FRAS1: variants seen among roughly 807,000 people sequenced by gnomAD.
The protein encoded by FRAS1 is Fraser extracellular matrix complex subunit 1.
Under a neutral mutation model 435.2 loss-of-function variants are expected in FRAS1, and 290 were observed. The ratio of observed to expected loss-of-function variants is 0.67; its 90% CI spans 0.61 to 0.73. FRAS1 has a LOEUF of 0.73. Among genes scored for constraint, FRAS1 ranks in the 30% least tolerant of loss-of-function variants. FRAS1 has a pLI of 0.00. For synonymous variants in FRAS1, 1,800 were observed against 1,851.0 expected (o/e 0.97, Z 0.71); for missense variants, 4,860 against 5,001.5 (o/e 0.97, Z 0.85).
At chr4:78,395,990 T>G (rs913538803) in intron 29 of FRAS1, among the ~76,000 whole-genome samples, 2 of 152,130 alleles carry the variant, frequency 1.3e-5, no homozygotes, top group Non-Finnish European at 2.9e-5. Context: ...GGTATGTTTT[T>G]ATTTATTTCT....
chr4:78,343,340 A>G (rs1730472369), intron 20 of FRAS1, among the ~76,000 whole-genome samples: 1 of 152,176 alleles, frequency 6.6e-6, no homozygotes, highest in African/African-American at 2.4e-5. Context: ...TTATACTTTG[A>G]ACAATTGGTT....
chr4:78,121,986 T>C (rs906832129), intron 2 of FRAS1, among the ~76,000 whole-genome samples: 2 of 152,230 alleles, frequency 1.3e-5, no homozygotes, highest in African/African-American at 2.4e-5. Context: ...GCAACTTTTT[T>C]TTGTATTATA....
chr4:78,132,161 C>G (rs1343824032), intron 2 of FRAS1, among the ~76,000 whole-genome samples: 1 of 152,124 alleles, frequency 6.6e-6, no homozygotes, highest in Non-Finnish European at 1.5e-5. Context: ...TGCCAGGAAC[C>G]TGGTTCTTGT....
chr4:78,525,255 A>G (rs1477658392), intron 69 of FRAS1, among the ~76,000 whole-genome samples: 1 of 152,238 alleles, frequency 6.6e-6, no homozygotes, highest in Non-Finnish European at 1.5e-5. Flanking sequence ...GAATATTTCT[A>G]TTAATGAAGG....
chr4:78,328,813 C>A (rs559735972), intron 18 of FRAS1, among the ~76,000 whole-genome samples: 1 of 152,162 alleles, frequency 6.6e-6, no homozygotes, highest in Non-Finnish European at 1.5e-5. Context: ...AATTGCTCCT[C>A]TGGCTGAAGG....
chr4:78,262,823 A>G (rs1726174568), intron 6 of FRAS1, among the ~76,000 whole-genome samples: 1 of 152,194 alleles, frequency 6.6e-6, no homozygotes, highest in Non-Finnish European at 1.5e-5. Context: ...TACTGAGGGC[A>G]CCATATTAGA....
At chr4:78,098,769 A>C (rs1376670767) in intron 2 of FRAS1, among the ~76,000 whole-genome samples, 1 of 152,262 alleles carries the variant, frequency 6.6e-6, no homozygotes, top group Non-Finnish European at 1.5e-5. Context: ...GTGTGTTCTC[A>C]GAGCCCAGAA....
At chr4:78,203,142 G>T (rs894549300) in intron 2 of FRAS1, among the ~76,000 whole-genome samples, 2 of 152,146 alleles carry the variant, frequency 1.3e-5, no homozygotes, top group African/African-American at 2.4e-5. Context: ...AGACTGGTTC[G>T]ATTTGTTTAA....
intron 9 of FRAS1, among the ~76,000 whole-genome samples, chr4:78,277,838 G>C (rs1382400715): frequency 6.6e-6 from 1 of 151,496 alleles, no homozygotes; most frequent in Non-Finnish European, 1.5e-5. Flanking sequence ...TTTTGAGACG[G>C]AGTCTCACTG....
In FRAS1 at chr4:78,477,827, G is replaced by A. The variant is rs1318590333; in HGVS notation, c.7864G>A (p.Glu2622Lys). Residue 2622 changes from glutamate to lysine, a missense_variant, in exon 55 of 74, where the codon GAG becomes AAG. Transcript: ENST00000512123. The part of the protein sequence containing the change: ...VEYAGQVQFD[E>K]REDTKSCTIV... Reference sequence around the variant, plus strand: ...TCCTTTGTGACAGGTCCAGTTTGATGAGCGAGAGGACACCAAGTCCTGCAC... The same window carrying A: ...TCCTTTGTGACAGGTCCAGTTTGATAAGCGAGAGGACACCAAGTCCTGCAC... 1.9e-6 allele frequency: 3 copies of A among 1,612,412 alleles called. No homozygotes were observed. The highest frequency in any genetic ancestry group is 2.2e-5 in the East Asian group (1 of 44,814).
intron 2 of FRAS1, among the ~76,000 whole-genome samples, chr4:78,175,109 G>A (rs1351184687): frequency 1.3e-5 from 2 of 152,116 alleles, no homozygotes; most frequent in African/African-American, 2.4e-5. Context: ...GCTCTCCACC[G>A]GCCCCATCCG....
intron 2 of FRAS1, among the ~76,000 whole-genome samples, chr4:78,092,527 G>C (rs530031426): frequency 2.6e-5 from 4 of 152,268 alleles, no homozygotes; most frequent in African/African-American, 9.6e-5. Flanking sequence ...CACTATCACA[G>C]ACGCGAACAG....
chr4:78,253,113 C>A (rs925014806), intron 5 of FRAS1, among the ~76,000 whole-genome samples: 1 of 152,148 alleles, frequency 6.6e-6, no homozygotes, highest in Non-Finnish European at 1.5e-5. Flanking sequence ...TAGACCTCCC[C>A]CCAGGAATGC....
At chr4:78,479,345 G>A in intron 55 of FRAS1, 29 bp from the exon 56 acceptor site, 1 of 1,417,982 alleles carries the variant, frequency 7.1e-7, no homozygotes, top group Non-Finnish European at 9.4e-7. Context: ...TCATTCAAAT[G>A]CTTTGGTTTT....
intron 20 of FRAS1, 78 bp downstream of exon 20, chr4:78,337,895 C>G: frequency 2.1e-6 from 3 of 1,440,038 alleles, no homozygotes; most frequent in Non-Finnish European, 2.9e-6. Context: ...TAAGGGGGCT[C>G]TTTGTCCTCA....
chr4:78,526,638 A>C lies in FRAS1; in HGVS notation c.10906A>C (p.Thr3636Pro), dbSNP rs1399050730. ...CCCAGGAGAGAAGCCTTTGGCCTGC[A>C]CTGCACATGCCCCAGAAAGGTAGGA... ...VDPGEKPLACTAHAPERFLIP... is the reference protein window; with the variant it reads ...VDPGEKPLACPAHAPERFLIP... Residue 3636 changes from threonine to proline, a missense_variant, in exon 70 of 74, where the codon ACT becomes CCT. Transcript: ENST00000512123. The C allele has an allele frequency of 1.2e-5, 19 of 1,581,676 alleles. No individual in the cohort carries two copies. Among genetic ancestry groups the C allele is most frequent in the Non-Finnish European group, 1.6e-5 (19 of 1,165,540 alleles).
chr4:78,461,994 A>G (rs559393427), intron 47 of FRAS1, among the ~76,000 whole-genome samples: 4 of 152,222 alleles, frequency 2.6e-5, no homozygotes, highest in Non-Finnish European at 5.9e-5. Context: ...TATGAAGCGT[A>G]AGTTGGAAAC....
At chr4:78,176,168 A>G (rs1322623349) in intron 2 of FRAS1, among the ~76,000 whole-genome samples, 1 of 152,196 alleles carries the variant, frequency 6.6e-6, no homozygotes, top group Non-Finnish European at 1.5e-5. Flanking sequence ...GCTTCCTATT[A>G]TATGTGAGAT....
Position 78,479,778 on chromosome 4 carries a change from T to G in FRAS1, c.8443+60T>G, listed in dbSNP as rs980506230. On this transcript the variant is annotated intron_variant, in intron 56 of 73. Transcript: ENST00000512123. ...TCTCCTGATTCCTTTCTTGAGCAGT[T>G]TTCTCCTTAGGTTTCAGAATATCCG... The G allele has an allele frequency of 2.9e-5, 38 of 1,321,026 alleles. 1 individual carries two copies. Among genetic ancestry groups the G allele is most frequent in the East Asian group, 1.5e-4 (6 of 40,512 alleles). 81.8% of individuals were successfully genotyped at this position (1,321,026 alleles called of 1,614,324 possible).
Sources: allele counts gnomAD v4.1 joint callset (sites outside exome capture counted in the v4.1 genomes callset), GRCh38; gene constraint gnomAD v4.1.1; transcripts MANE v1.5; gene names NCBI Gene and HGNC (gene_info 2026-07-23, HGNC 2026-07-21).